The following LRP1B variants were observed in gnomAD, a reference collection of about 807,000 sequenced individuals.
LRP1B encodes low-density lipoprotein receptor-related protein 1B.
Under a neutral mutation model 556.6 loss-of-function variants are expected in LRP1B, and 217 were observed. That is an observed-to-expected ratio of 0.39 (90% CI 0.35 to 0.44). The LOEUF (loss-of-function observed/expected upper bound fraction) is 0.44, where lower values mean the gene tolerates loss of function less well. Among genes scored for constraint, LRP1B ranks in the 20% least tolerant of loss-of-function variants. LRP1B has a pLI of 1.00. For missense variants in LRP1B, 5,053 were observed against 5,620.8 expected (o/e 0.90, Z 3.23); for synonymous variants, 2,047 against 1,865.8 (o/e 1.10, Z -2.50).
At chr2:141,319,174 T>C (rs896652681) in intron 3 of LRP1B, among the ~76,000 whole-genome samples, 4 of 152,054 alleles carry the variant, frequency 2.6e-5, no homozygotes, top group Non-Finnish European at 4.4e-5. Flanking sequence ...ATATTTGTAA[T>C]ATCGTCAACA....
intron 18 of LRP1B, among the ~76,000 whole-genome samples, chr2:140,981,061 A>C (rs1696754119): frequency 6.6e-6 from 1 of 151,996 alleles, no homozygotes. Context: ...CAAATGCATA[A>C]GAATGATGTA....
intron 1 of LRP1B, among the ~76,000 whole-genome samples, chr2:142,059,733 G>C (rs1704832147): frequency 6.6e-6 from 1 of 151,968 alleles, no homozygotes; most frequent in African/African-American, 2.4e-5. Context: ...TTTTATTTCT[G>C]AGACAGAGAG....
chr2:141,112,635 A>G (rs1281401561), intron 7 of LRP1B, among the ~76,000 whole-genome samples: 1 of 152,238 alleles, frequency 6.6e-6, no homozygotes, highest in South Asian at 2.1e-4. Flanking sequence ...ACAGAGGCAC[A>G]TGTAAAAGAT....
At chr2:141,141,433 C>T (rs535532098) in intron 7 of LRP1B, among the ~76,000 whole-genome samples, 10 of 152,166 alleles carry the variant, frequency 6.6e-5, no homozygotes, top group South Asian at 2.1e-4. Flanking sequence ...TTTAACCAAA[C>T]GGAATTATGA....
In LRP1B at chr2:141,105,339, T is replaced by A. The variant is rs193108043; in HGVS notation, c.1014-43066A>T. On this transcript the variant is annotated intron_variant, in intron 7 of 90. Coordinates refer to ENST00000389484, the MANE Select transcript of LRP1B (RefSeq NM_018557.3). ...AAAACATGTATTACTTCAATGTAAT[T>A]TTTTTTTTAGTTTTATACTTTTTTC... Among the ~76,000 whole-genome samples the A allele has an allele frequency of 6.7e-4, 90 of 133,946 alleles. No individual in the cohort carries two copies. The East Asian group carries it at 0.017, about 26-fold the overall frequency. The allele number at this position is 133,946 out of a possible 152,430, so 87.9% of individuals were successfully genotyped here. A position where few individuals can be genotyped will look rare whatever the true frequency, so the allele number is the denominator to read the frequency against.
At chr2:141,946,053 C>A (rs892111294) in intron 1 of LRP1B, among the ~76,000 whole-genome samples, 1 of 152,024 alleles carries the variant, frequency 6.6e-6, no homozygotes, top group African/African-American at 2.4e-5. Context: ...TCCCACTCAA[C>A]GAGAGAGCAC....
chr2:141,258,336 G>A (rs300409), intron 3 of LRP1B, among the ~76,000 whole-genome samples: 19,637 of 151,862 alleles, frequency 0.13, 1,398 homozygotes, highest in Admixed American at 0.18. Flanking sequence ...ACACAAAAAA[G>A]TTAGCTGGGC....
At chr2:140,892,705 G>A (rs947913767) in intron 23 of LRP1B, among the ~76,000 whole-genome samples, 5 of 152,036 alleles carry the variant, frequency 3.3e-5, no homozygotes, top group South Asian at 4.1e-4. Flanking sequence ...TAAGAATGCC[G>A]GTAAATGTAT....
intron 23 of LRP1B, among the ~76,000 whole-genome samples, chr2:140,899,785 G>A (rs760215222): frequency 1.3e-5 from 2 of 152,138 alleles, no homozygotes; most frequent in Non-Finnish European, 2.9e-5. Flanking sequence ...GCAACTTATC[G>A]ATAGAGGGCT....
chr2:140,740,438 T>C (rs1325888192), intron 35 of LRP1B, among the ~76,000 whole-genome samples: 1 of 152,118 alleles, frequency 6.6e-6, no homozygotes, highest in East Asian at 1.9e-4. Flanking sequence ...TTGTTCTCAC[T>C]GGTATGTGGG....
chr2:140,654,829 C>T (rs1245447103), intron 41 of LRP1B, among the ~76,000 whole-genome samples: 1 of 152,118 alleles, frequency 6.6e-6, no homozygotes, highest in Non-Finnish European at 1.5e-5. Flanking sequence ...CCTAAAGAAA[C>T]ATCTGCTCTC....
At chr2:140,236,442 CTTAATT>C (rs1259393843) in intron 89 of LRP1B, among the ~76,000 whole-genome samples, 7 of 150,840 alleles carry the variant, frequency 4.6e-5, no homozygotes, top group Non-Finnish European at 7.4e-5. Context: ...AATTGATACT[CTTAATT>C]TAGAGAAAAA....
Position 140,450,647 on chromosome 2 carries a change from A to G in LRP1B, c.9978T>C (p.Thr3326=), listed in dbSNP as rs374401524. 3 of 1,609,242 alleles carry G rather than the reference A, an allele frequency of 1.9e-6. No individual in the cohort carries two copies. The highest frequency in any genetic ancestry group is 2.7e-5 in the African/African-American group (2 of 74,444). ...NCTASQFRCK[T]DKCIPFWWKC... ...TCCACCAGAATGGAATACATTTGTCAGTTTTGCAACGAAACTTAAAAAAGA... is the reference window on the plus strand; with the variant it reads ...TCCACCAGAATGGAATACATTTGTCGGTTTTGCAACGAAACTTAAAAAAGA... Residue 3326 remains threonine (T), a synonymous_variant, in exon 63 of 91, where the codon ACT becomes ACC. Coordinates refer to ENST00000389484, the MANE Select transcript of LRP1B (RefSeq NM_018557.3).
At chr2:140,776,288 A>AG in intron 32 of LRP1B, 50 bp from the exon 33 acceptor site, 1 of 1,145,186 alleles carries the variant, frequency 8.7e-7, no homozygotes, top group Non-Finnish European at 1.2e-6. Flanking sequence ...TATCTTATTA[A>AG]ATAATAATAA....
chr2:140,732,334 TG>T (rs1443817000), intron 35 of LRP1B, among the ~76,000 whole-genome samples: 2 of 152,168 alleles, frequency 1.3e-5, no homozygotes, highest in Admixed American at 6.5e-5. Flanking sequence ...TAATCTTTGA[TG>T]TTTTTTACTT....
At chr2:141,385,872 T>A (rs1208575167) in intron 3 of LRP1B, among the ~76,000 whole-genome samples, 1 of 152,188 alleles carries the variant, frequency 6.6e-6, no homozygotes, top group Non-Finnish European at 1.5e-5. Flanking sequence ...GCTACTAGGA[T>A]GCTGCTTAGT....
chr2:141,233,012 G>A (rs1165945721), intron 5 of LRP1B, among the ~76,000 whole-genome samples: 5 of 152,142 alleles, frequency 3.3e-5, no homozygotes, highest in African/African-American at 7.2e-5. Flanking sequence ...GTTGTGCATC[G>A]TTACCACATG....
At chr2:142,012,033 A>G (rs1405892835) in intron 1 of LRP1B, among the ~76,000 whole-genome samples, 4 of 152,156 alleles carry the variant, frequency 2.6e-5, no homozygotes, top group African/African-American at 9.6e-5. Context: ...TTTCCTCTGC[A>G]AGTACCTGCA....
chr2:140,338,669 T>C (rs1681220048), intron 77 of LRP1B, among the ~76,000 whole-genome samples: 1 of 151,794 alleles, frequency 6.6e-6, no homozygotes, highest in African/African-American at 2.4e-5. Context: ...GATCACACAA[T>C]TTATTTAAGG....
Sources: gnomAD v4.1 joint callset for allele counts (sites outside exome capture counted in the v4.1 genomes callset) on GRCh38, gnomAD v4.1.1 for gene constraint, MANE v1.5 for transcripts, NCBI Gene and HGNC (gene_info 2026-07-23, HGNC 2026-07-21) for gene names.